PICALM: variants seen among roughly 807,000 people sequenced by gnomAD.
The protein encoded by PICALM is phosphatidylinositol binding clathrin assembly protein, also known as phosphatidylinositol-binding clathrin assembly protein.
A neutral mutation model predicts 80.5 loss-of-function variants in PICALM; 40 were observed. That is an observed-to-expected ratio of 0.50 (90% confidence interval 0.39 to 0.65). The LOEUF is 0.65. Among genes scored for constraint, PICALM ranks in the 30% least tolerant of loss-of-function variants. The pLI, the probability that PICALM is intolerant of heterozygous loss-of-function variation, is 0.00. For missense variants in PICALM, 676 were observed against 778.9 expected (o/e 0.87, Z 1.57); for synonymous variants, 288 against 260.3 (o/e 1.11, Z -1.02).
chr11:86,007,096 AATCTT>A (rs144311946), intron 8 of PICALM, among the ~76,000 whole-genome samples: 3,075 of 152,188 alleles, frequency 0.02, 105 homozygotes, highest in African/African-American at 0.07. Context: ...CTACTCTCTT[AATCTT>A]ATGTTTTGTG....
rs548524437 is a variant in PICALM at position 86,054,204 on chromosome 11, A to G, written c.130+14447T>C. Among the ~76,000 whole-genome samples, 6 of 152,318 alleles carry G rather than the reference A, an allele frequency of 3.9e-5. No homozygotes were observed. In the East Asian group the frequency reaches 7.7e-4, roughly 20 times the overall value. On this transcript the variant is annotated intron_variant, in intron 1 of 19. Transcript: ENST00000393346. ...GAGGTCCAATTTTGGGTGGCAAGGT[A>G]TATTTAGCCCCCTGCACATGTGCCA...
Position 86,005,918 on chromosome 11 carries a change from C to T in PICALM, c.807+1624G>A, listed in dbSNP as rs17817201. 5.2e-3 allele frequency among the ~76,000 whole-genome samples: 789 copies of T among 152,280 alleles called. 44 individuals carry two copies. The East Asian group carries it at 0.11, about 22-fold the overall frequency. On this transcript the variant is annotated intron_variant, in intron 8 of 19. Coordinates refer to ENST00000393346, the MANE Select transcript of PICALM (RefSeq NM_007166.4). Reference sequence around the variant, plus strand: ...AAGAATGCCTGGCAAGTTACCTTTGCTCAGAGATCATCAATACAGAGGAAA... The same window carrying T: ...AAGAATGCCTGGCAAGTTACCTTTGTTCAGAGATCATCAATACAGAGGAAA...
In PICALM at chr11:86,068,977, G is replaced by C. The variant is rs2096486080; in HGVS notation, c.-197C>G. On this transcript the variant is annotated 5_prime_UTR_variant, in exon 1 of 20. Transcript: ENST00000393346. The stretch of plus-strand genomic sequence containing the variant: ...CCGGCTCGTGTCACCCGCGGAGTCG[G>C]ACAAGATGTCGGGCACTCCCTTGCC... 3.1e-6 allele frequency: 2 copies of C among 650,258 alleles called. No homozygotes were observed. Among genetic ancestry groups the C allele is most frequent in the Admixed American group, 3.2e-5 (1 of 31,178 alleles). The allele number at this position is 650,258 out of a possible 1,614,324, so 40.3% of individuals were successfully genotyped here.
At chr11:86,032,973 T>C (rs1318513477) in intron 1 of PICALM, among the ~76,000 whole-genome samples, 1 of 152,174 alleles carries the variant, frequency 6.6e-6, no homozygotes, top group Non-Finnish European at 1.5e-5. Context: ...CGGTGGCCAA[T>C]ACTGCTTAAA....
chr11:86,048,319 C>G (rs1308204105), intron 1 of PICALM, among the ~76,000 whole-genome samples: 2 of 152,114 alleles, frequency 1.3e-5, no homozygotes, highest in African/African-American at 4.8e-5. Context: ...CTAGGTTAGG[C>G]TACTACAGAA....
intron 1 of PICALM, among the ~76,000 whole-genome samples, chr11:86,066,053 T>C (rs1565622755): frequency 6.6e-6 from 1 of 152,210 alleles, no homozygotes; most frequent in Non-Finnish European, 1.5e-5. Flanking sequence ...AACTAAGCTT[T>C]CACTATAAAG....
chr11:85,976,696 A>C lies in PICALM; in HGVS notation c.1780-14T>G. On this transcript the variant is annotated splice_polypyrimidine_tract_variant and intron_variant, in intron 17 of 19. Transcript: ENST00000393346. ...TACAGGGGGTGCCTAACATAGTGAA[A>C]GGAAAAATGAACAAGAAAGTATAAC... 6.6e-7 allele frequency: 1 copy of C among 1,522,318 alleles called. No individual in the cohort carries two copies. The allele number at this position is 1,522,318 out of a possible 1,614,324, so 94.3% of individuals were successfully genotyped here. A position where few individuals can be genotyped will look rare whatever the true frequency, so the allele number is the denominator to read the frequency against.
chr11:86,004,496 T>C (rs768850626), intron 8 of PICALM, among the ~76,000 whole-genome samples: 25 of 152,198 alleles, frequency 1.6e-4, no homozygotes, highest in African/African-American at 4.6e-4. Flanking sequence ...TCAAACTGCA[T>C]TGAAATGAAT....
chr11:85,974,407 C>A (rs966883581), intron 19 of PICALM: 1 of 540,664 alleles, frequency 1.8e-6, no homozygotes, highest in Admixed American at 1.9e-5. Context: ...ACAAAGGATA[C>A]TACACCAGAA....
chr11:86,052,742 T>C lies in PICALM; in HGVS notation c.130+15909A>G, dbSNP rs183257047. Reference sequence around the variant, plus strand: ...AACTATGGTCCAACTTGACCTACAGTAGCCAAAAAGCTATATCTAAAGGTC... The same window carrying C: ...AACTATGGTCCAACTTGACCTACAGCAGCCAAAAAGCTATATCTAAAGGTC... On this transcript the variant is annotated intron_variant, in intron 1 of 19. Coordinates refer to ENST00000393346, the MANE Select transcript of PICALM (RefSeq NM_007166.4). Among the ~76,000 whole-genome samples, 281 of 152,330 alleles carry C rather than the reference T, an allele frequency of 1.8e-3. 5 individuals carry two copies. Among genetic ancestry groups the C allele is most frequent in the Admixed American group, 0.018 (271 of 15,298 alleles).
At chr11:86,043,600 CTT>C (rs2096013663) in intron 1 of PICALM, among the ~76,000 whole-genome samples, 1 of 152,146 alleles carries the variant, frequency 6.6e-6, no homozygotes, top group African/African-American at 2.4e-5. Flanking sequence ...AATCCTGTCT[CTT>C]TGTATCTTCC....
At chr11:85,964,414 T>C (rs1384696036) in intron 19 of PICALM, among the ~76,000 whole-genome samples, 1 of 152,230 alleles carries the variant, frequency 6.6e-6, no homozygotes, top group Non-Finnish European at 1.5e-5. Flanking sequence ...TGCCAGGTTT[T>C]GTAGAAAGAT....
At chr11:86,015,815 C>T (rs1220824244) in intron 4 of PICALM, among the ~76,000 whole-genome samples, 1 of 152,160 alleles carries the variant, frequency 6.6e-6, no homozygotes, top group African/African-American at 2.4e-5. Flanking sequence ...TCAGGTTCCC[C>T]TAATTTACAA....
intron 18 of PICALM, 54 bp downstream of exon 18, chr11:85,976,569 T>C: frequency 1.9e-6 from 2 of 1,051,610 alleles, no homozygotes. Flanking sequence ...AATAAAAACA[T>C]GTTATATATG....
intron 1 of PICALM, among the ~76,000 whole-genome samples, chr11:86,059,289 A>G (rs2096318459): frequency 6.6e-6 from 1 of 152,186 alleles, no homozygotes; most frequent in Non-Finnish European, 1.5e-5. Context: ...TGGAGAAGAG[A>G]TAGAGAACAA....
chr11:86,036,898 T>C (rs2095850108), intron 1 of PICALM, among the ~76,000 whole-genome samples: 1 of 147,582 alleles, frequency 6.8e-6, no homozygotes, highest in Non-Finnish European at 1.5e-5. Flanking sequence ...GGTCACGAGT[T>C]TGAGACCAGC....
intron 18 of PICALM, among the ~76,000 whole-genome samples, chr11:85,975,700 C>T (rs1342638770): frequency 1.3e-5 from 2 of 149,588 alleles, no homozygotes; most frequent in Admixed American, 1.4e-4. Context: ...GGGTTCAAGC[C>T]ATTCTCCTGC....
In PICALM at chr11:86,058,408, C is replaced by T. The variant is rs796664283; in HGVS notation, c.130+10243G>A. ...GAGGAAAGAAGTTTTGGAAAGCATA[C>T]CCAACTTCCTCAACCACTACTTGGA... On this transcript the variant is annotated intron_variant, in intron 1 of 19. Coordinates refer to ENST00000393346, the MANE Select transcript of PICALM (RefSeq NM_007166.4). Among the ~76,000 whole-genome samples, 67 of 152,234 alleles carry T rather than the reference C, an allele frequency of 4.4e-4. 1 individual carries two copies. Among genetic ancestry groups the T allele is most frequent in the African/African-American group, 1.4e-3 (60 of 41,546 alleles).
chr11:85,980,528 C>A (rs1014065515), intron 17 of PICALM, among the ~76,000 whole-genome samples: 3 of 152,038 alleles, frequency 2.0e-5, no homozygotes, highest in African/African-American at 4.8e-5. Flanking sequence ...TACTTAACTG[C>A]CACAAATAAT....
Sources: allele counts gnomAD v4.1 joint callset (sites outside exome capture counted in the v4.1 genomes callset), GRCh38; gene constraint gnomAD v4.1.1; transcripts MANE v1.5; gene names NCBI Gene and HGNC (gene_info 2026-07-23, HGNC 2026-07-21).